ITGA2: variants seen among roughly 807,000 people sequenced by gnomAD.
The protein encoded by ITGA2 is integrin alpha-2.
In ITGA2, 101 loss-of-function variants were observed where a neutral mutation model predicts 146.3. The observed-to-expected ratio is 0.69, with a 90% CI of 0.59 to 0.81. ITGA2 has a LOEUF of 0.81. Ranked by LOEUF, ITGA2 falls within the 40% of genes least tolerant of loss-of-function variation. The pLI is 0.00. For missense variants in ITGA2, 1,281 were observed against 1,402.7 expected (o/e 0.91, Z 1.39); for synonymous variants, 477 against 487.1 (o/e 0.98, Z 0.27).
At chr5:53,017,046 G>T (rs1328775530) in intron 1 of ITGA2, among the ~76,000 whole-genome samples, 1 of 152,146 alleles carries the variant, frequency 6.6e-6, no homozygotes, top group Non-Finnish European at 1.5e-5. Flanking sequence ...GAACCTTGAT[G>T]ATCTTCATTT....
chr5:53,000,556 C>T (rs1394082567), intron 1 of ITGA2, among the ~76,000 whole-genome samples: 1 of 152,060 alleles, frequency 6.6e-6, no homozygotes, highest in Admixed American at 6.6e-5. Flanking sequence ...TGGTTAGTTT[C>T]TTTTATCCTA....
At chr5:53,081,306 G>T (rs1745905672) in intron 25 of ITGA2, among the ~76,000 whole-genome samples, 1 of 152,122 alleles carries the variant, frequency 6.6e-6, no homozygotes, top group African/African-American at 2.4e-5. Context: ...AAATGTTCCA[G>T]AGAAAATTAC....
At chr5:53,012,122 G>A (rs1742164648) in intron 1 of ITGA2, among the ~76,000 whole-genome samples, 2 of 152,132 alleles carry the variant, frequency 1.3e-5, no homozygotes, top group Non-Finnish European at 2.9e-5. Context: ...GACTAGAGTG[G>A]AGATTCCCTC....
intron 20 of ITGA2, 98 bp downstream of exon 20, chr5:53,073,357 C>A (rs1479877966): frequency 7.7e-7 from 1 of 1,294,356 alleles, no homozygotes; most frequent in Non-Finnish European, 1.1e-6. Context: ...AGCACCTTAA[C>A]CCTCAACATG....
rs763636515 is a variant in ITGA2, at chr5:53,072,001, A to G, written c.2299A>G (p.Thr767Ala). The change falls in exon 18 of 30, where the codon ACT becomes GCT. Residue 767 changes from threonine (T) to alanine (A), a missense_variant. This residue lies in a region of ITGA2 where 475 missense variants were observed against 530.5 expected (regional missense o/e 0.90). Coordinates refer to ENST00000296585, the MANE Select transcript of ITGA2 (RefSeq NM_002203.4). ...RVDISLENPGTSPALEAYSET... is the reference protein window; with the variant it reads ...RVDISLENPGASPALEAYSET... ...GGACATCAGTCTGGAAAACCCTGGC[A>G]CTAGCCCTGCCCTTGAAGCCTATTC... is the stretch of plus-strand genomic sequence containing the variant. The G allele has an allele frequency of 6.2e-7, 1 of 1,612,324 alleles. No individual in the cohort carries two copies. The highest frequency in any genetic ancestry group is 8.5e-7 in the Non-Finnish European group (1 of 1,178,928).
intron 1 of ITGA2, among the ~76,000 whole-genome samples, chr5:52,996,497 G>T (rs1186731763): frequency 6.6e-6 from 1 of 152,170 alleles, no homozygotes; most frequent in Admixed American, 6.5e-5. Context: ...CTATGAAATA[G>T]AGAGGATATT....
intron 25 of ITGA2, 24 bp from the exon 26 acceptor site, chr5:53,081,568 T>C (rs1745917874): frequency 6.5e-7 from 1 of 1,545,966 alleles, no homozygotes; most frequent in East Asian, 2.3e-5. Flanking sequence ...TTCTGAAGTC[T>C]GATCGGGTGT....
At chr5:53,004,940 G>A (rs1741764298) in intron 1 of ITGA2, among the ~76,000 whole-genome samples, 2 of 77,612 alleles carry the variant, frequency 2.6e-5, no homozygotes, top group Admixed American at 1.9e-4. Flanking sequence ...TTTTGGAGGG[G>A]GAGGAGAGGA....
At chr5:53,011,738 G>C (rs1023545767) in intron 1 of ITGA2, among the ~76,000 whole-genome samples, 1 of 151,898 alleles carries the variant, frequency 6.6e-6, no homozygotes, top group Admixed American at 6.6e-5. Flanking sequence ...TATGTGAGTG[G>C]GGGGGAGTGA....
intron 1 of ITGA2, among the ~76,000 whole-genome samples, chr5:53,024,867 G>T (rs564030186): frequency 6.6e-6 from 1 of 152,098 alleles, no homozygotes; most frequent in Non-Finnish European, 1.5e-5. Context: ...TTTACAGTGA[G>T]GACATTGGAT....
At position 53,081,683 on chromosome 5, in the gene ITGA2, A is replaced by C; in HGVS notation, c.3131A>C (p.His1044Pro). ...SVSFKSENFR[H>P]TKELNCRTAS... ...TCTTTCAAAAGTGAAAATTTCAGGC[A>C]CACCAAAGAATTGGTGAGGACAAGT... is the stretch of plus-strand genomic sequence containing the variant. The change falls in exon 26 of 30, where the codon CAC (histidine) becomes CCC (proline). Residue 1044 changes from histidine to proline, a missense_variant. This residue lies in a region of ITGA2 where 475 missense variants were observed against 530.5 expected (regional missense o/e 0.90). Coordinates refer to ENST00000296585, the MANE Select transcript of ITGA2 (RefSeq NM_002203.4). The C allele has an allele frequency of 1.2e-6, 2 of 1,610,468 alleles. No individual in the cohort carries two copies.
At chr5:53,049,266 C>T (rs974751419) in intron 6 of ITGA2, among the ~76,000 whole-genome samples, 4 of 152,208 alleles carry the variant, frequency 2.6e-5, no homozygotes, top group African/African-American at 9.6e-5. Flanking sequence ...CCTGCCTCAG[C>T]CTCCCAAAGT....
At chr5:53,081,298 A>G (rs1321557224) in intron 25 of ITGA2, among the ~76,000 whole-genome samples, 2 of 152,070 alleles carry the variant, frequency 1.3e-5, no homozygotes, top group Non-Finnish European at 2.9e-5. Flanking sequence ...AAATCCTAAA[A>G]TGTTCCAGAG....
intron 2 of ITGA2, among the ~76,000 whole-genome samples, chr5:53,037,191 T>G (rs1047312289): frequency 6.6e-6 from 1 of 152,230 alleles, no homozygotes; most frequent in African/African-American, 2.4e-5. Flanking sequence ...AAATTGGCTG[T>G]GTTTTGAAAG....
chr5:52,993,880 CAA>C (rs3212388), intron 1 of ITGA2, among the ~76,000 whole-genome samples: 37,054 of 151,968 alleles, frequency 0.24, 5,496 homozygotes, highest in South Asian at 0.34. Context: ...CAGCATAAAA[CAA>C]GAGAAACCAT....
chr5:53,065,987 G>A lies in ITGA2; in HGVS notation c.1943+10G>A. On this transcript the variant is annotated intron_variant, in intron 15 of 29. Coordinates refer to ENST00000296585, the MANE Select transcript of ITGA2 (RefSeq NM_002203.4). Reference sequence around the variant, plus strand: ...AAGTGGTTCAACTCTGGTGAGTCAGGAAGAGCCAGACACAAACTAACTAAA... The same window carrying A: ...AAGTGGTTCAACTCTGGTGAGTCAGAAAGAGCCAGACACAAACTAACTAAA... 6.2e-7 allele frequency: 1 copy of A among 1,611,556 alleles called. No homozygotes were observed. The highest frequency in any genetic ancestry group is 8.5e-7 in the Non-Finnish European group (1 of 1,178,320).
At chr5:53,045,138 T>C (rs1744013934) in intron 4 of ITGA2, 46 bp downstream of exon 4, 4 of 1,378,768 alleles carry the variant, frequency 2.9e-6, no homozygotes, top group African/African-American at 2.8e-5. Flanking sequence ...AGAAAGTACA[T>C]AGACAGTAGT....
At chr5:53,043,244 TG>T (rs1284776842) in intron 3 of ITGA2, among the ~76,000 whole-genome samples, 2 of 139,954 alleles carry the variant, frequency 1.4e-5, no homozygotes, top group African/African-American at 4.9e-5. Context: ...ACATTTGGAG[TG>T]AGTGTTCAAA....
chr5:53,079,712 T>C (rs1237949955), intron 24 of ITGA2, among the ~76,000 whole-genome samples: 1 of 152,154 alleles, frequency 6.6e-6, no homozygotes, highest in Non-Finnish European at 1.5e-5. Flanking sequence ...ATGTGGATGG[T>C]ATTTGGCAAC....
Sources: gnomAD v4.1 joint callset for allele counts (sites outside exome capture counted in the v4.1 genomes callset) on GRCh38, gnomAD v4.1.1 for gene constraint, gnomAD v4.1.1 regional missense constraint, MANE v1.5 for transcripts, NCBI Gene and HGNC (gene_info 2026-07-23, HGNC 2026-07-21) for gene names.